Variants in PCDHA12 observed in about 807,000 individuals in gnomAD.
PCDHA12 encodes the protein protocadherin alpha 12, also known as protocadherin alpha-12.
PCDHA12 carries 44 observed loss-of-function variants against 60.0 expected under a neutral mutation model. That is an observed-to-expected ratio of 0.73 (90% CI 0.58 to 0.94). The LOEUF (loss-of-function observed/expected upper bound fraction) is 0.94, where lower values mean the gene tolerates loss of function less well. PCDHA12 is among the 40% of genes least tolerant of loss of function. The pLI, the probability that PCDHA12 is intolerant of heterozygous loss-of-function variation, is 0.00. For synonymous variants in PCDHA12, 569 were observed against 553.0 expected, an observed-to-expected ratio of 1.03 and a Z score of -0.40; for missense variants, 1,276 against 1,239.7, an observed-to-expected ratio of 1.03 and a Z score of -0.44.
chr5:140,962,791 T>G (rs998586099), intron 1 of PCDHA12, among the ~76,000 whole-genome samples: 19 of 152,252 alleles, frequency 1.2e-4, no homozygotes, highest in Admixed American at 1.1e-3. Context: ...TAAAAACTAC[T>G]TTGGACAACT....
chr5:140,952,338 C>CA (rs55931446), intron 1 of PCDHA12, among the ~76,000 whole-genome samples: 315 of 135,024 alleles, frequency 2.3e-3, no homozygotes, highest in East Asian at 0.011. Context: ...AACTCCATCT[C>CA]AAAAAAAAAA....
chr5:140,887,349 G>A (rs1311370450), intron 1 of PCDHA12, among the ~76,000 whole-genome samples: 2 of 152,084 alleles, frequency 1.3e-5, no homozygotes, highest in Non-Finnish European at 2.9e-5. Flanking sequence ...ACCTGGCTCG[G>A]CCTCCCAAAG....
At chr5:140,977,351 AT>A (rs2096757742) in intron 1 of PCDHA12, among the ~76,000 whole-genome samples, 1 of 152,348 alleles carries the variant, frequency 6.6e-6, no homozygotes, top group Non-Finnish European at 1.5e-5. Context: ...ATGATGACTG[AT>A]TGATAAAAAG....
At chr5:140,960,380 A>G (rs2095544105) in intron 1 of PCDHA12, among the ~76,000 whole-genome samples, 2 of 152,200 alleles carry the variant, frequency 1.3e-5, no homozygotes, top group African/African-American at 4.8e-5. Flanking sequence ...TTAAGTGCCA[A>G]GACATTAGGA....
In PCDHA12 at chr5:140,941,719, C is replaced by G. The variant is rs76426901; in HGVS notation, c.2368-37230C>G. 1.5e-4 allele frequency among the ~76,000 whole-genome samples: 23 copies of G among 152,260 alleles called. No individual in the cohort carries two copies. The East Asian group carries it at 4.0e-3, about 27-fold the overall frequency. ...GGCTTAGCTTTCCTCCACAATTTGT[C>G]CTAGCAGTTCCCCATTATCTTATCA... is the stretch of plus-strand genomic sequence containing the variant. On this transcript the variant is annotated intron_variant, in intron 1 of 3. Coordinates refer to ENST00000398631, the MANE Select transcript of PCDHA12 (RefSeq NM_018903.4).
In PCDHA12 at chr5:140,876,298, G is replaced by T. The variant is rs1469744425; in HGVS notation, c.826G>T (p.Glu276Ter). 1.9e-6 allele frequency: 3 copies of T among 1,613,970 alleles called. No homozygotes were observed. The highest frequency in any genetic ancestry group is 1.7e-6 in the Non-Finnish European group (2 of 1,179,914). Residue 276 changes from glutamate (E) to a stop codon, truncating the protein, a stop_gained, in exon 1 of 4, where the codon GAA (glutamate) becomes TAA (stop). Transcript: ENST00000398631. LOFTEE classifies it high-confidence loss of function. ...CGATCCAGACGAAGGACTTAATGGAGAAATTTCCTATGGGATCAAAATGAT... is the reference window on the plus strand; with the variant it reads ...CGATCCAGACGAAGGACTTAATGGATAAATTTCCTATGGGATCAAAATGAT... ...ASDPDEGLNG[E>*]ISYGIKMILP... is the part of the protein sequence containing the mutation.
At chr5:140,883,483 C>T (rs1554178423) in intron 1 of PCDHA12, 2 of 1,614,078 alleles carry the variant, frequency 1.2e-6, no homozygotes, top group African/African-American at 2.7e-5. Flanking sequence ...AGAACTACTA[C>T]TCATTAGTGC....
intron 1 of PCDHA12, among the ~76,000 whole-genome samples, chr5:140,878,853 A>G (rs565644052): frequency 1.3e-5 from 2 of 152,352 alleles, no homozygotes; most frequent in East Asian, 3.9e-4. Context: ...TCTGGGTTCA[A>G]CTGATCCTCC....
chr5:140,936,760 T>G (rs2091134702), intron 1 of PCDHA12, among the ~76,000 whole-genome samples: 1 of 152,220 alleles, frequency 6.6e-6, no homozygotes, highest in African/African-American at 2.4e-5. Context: ...TGATATCTAA[T>G]TGTGTAAGTT....
At chr5:140,940,731 G>T (rs1195223562) in intron 1 of PCDHA12, among the ~76,000 whole-genome samples, 2 of 152,162 alleles carry the variant, frequency 1.3e-5, no homozygotes, top group Admixed American at 1.3e-4. Flanking sequence ...CAGCTGGACA[G>T]CTCCATATTT....
chr5:140,966,848 C>G, intron 1 of PCDHA12: 1 of 1,571,846 alleles, frequency 6.4e-7, no homozygotes, highest in Non-Finnish European at 8.6e-7. Context: ...GCTACTGCCT[C>G]TCCTGCTGCT....
At chr5:140,906,057 C>A (rs558964545) in intron 1 of PCDHA12, among the ~76,000 whole-genome samples, 7 of 152,326 alleles carry the variant, frequency 4.6e-5, no homozygotes, top group Admixed American at 2.0e-4. Context: ...GCTGCACTGG[C>A]AGCTGATTAG....
intron 1 of PCDHA12, among the ~76,000 whole-genome samples, chr5:140,932,592 T>C (rs1435571468): frequency 7.2e-5 from 11 of 151,922 alleles, no homozygotes; most frequent in Non-Finnish European, 2.9e-5. Context: ...AGATGTTTTG[T>C]ATATCTATTT....
chr5:141,008,323 A>C lies in PCDHA12; in HGVS notation c.2516-1304A>C, dbSNP rs2098370005. ...CCCTAAACTGTAATTGAACATAAACAGTTTATTTGATGGAGCTTTTCACGT... is the reference window on the plus strand; with the variant it reads ...CCCTAAACTGTAATTGAACATAAACCGTTTATTTGATGGAGCTTTTCACGT... On this transcript the variant is annotated intron_variant, in intron 3 of 3. Transcript: ENST00000398631. 2.0e-5 allele frequency among the ~76,000 whole-genome samples: 3 copies of C among 152,242 alleles called. No individual in the cohort carries two copies. The South Asian group carries it at 6.2e-4, about 32-fold the overall frequency.
chr5:140,981,138 G>A (rs1554242668), intron 2 of PCDHA12, among the ~76,000 whole-genome samples: 11 of 152,206 alleles, frequency 7.2e-5, no homozygotes. Flanking sequence ...GTCAAAGAGT[G>A]AGAAAACATT....
chr5:140,933,306 G>A (rs1159375359), intron 1 of PCDHA12, among the ~76,000 whole-genome samples: 1 of 151,920 alleles, frequency 6.6e-6, no homozygotes, highest in African/African-American at 2.4e-5. Context: ...AAATAAATAT[G>A]CAATCTCGTA....
intron 3 of PCDHA12, among the ~76,000 whole-genome samples, chr5:141,000,961 C>A (rs1207814885): frequency 6.6e-6 from 1 of 151,948 alleles, no homozygotes; most frequent in Non-Finnish European, 1.5e-5. Flanking sequence ...GTAATTTAAG[C>A]CTTCATATTC....
intron 1 of PCDHA12, chr5:140,968,356 C>T (rs1586289885): frequency 1.2e-6 from 2 of 1,614,062 alleles, no homozygotes; most frequent in Non-Finnish European, 1.7e-6. Context: ...CCAGTGGCAG[C>T]CTTTATGCTG....
intron 1 of PCDHA12, among the ~76,000 whole-genome samples, chr5:140,917,083 T>C (rs2077876290): frequency 6.6e-6 from 1 of 152,078 alleles, no homozygotes; most frequent in South Asian, 2.1e-4. Flanking sequence ...TAATGTAAAG[T>C]TCCCCAGTTG....
Sources: gnomAD v4.1 joint callset for allele counts (sites outside exome capture counted in the v4.1 genomes callset) on GRCh38, gnomAD v4.1.1 for gene constraint, MANE v1.5 for transcripts, NCBI Gene and HGNC (gene_info 2026-07-23, HGNC 2026-07-21) for gene names.